CATSPERT: variants seen among roughly 807,000 people sequenced by gnomAD.
CATSPERT encodes the protein cation channel sperm-associated targeting subunit tau.
chr2:201,557,826 T>C, the CATSPERT span: 2 of 152,206 alleles, frequency 1.3e-5, no homozygotes, highest in South Asian at 2.1e-4. Context: ...CAACCACATC[T>C]AGCATTTCTC....
At chr2:201,549,251 C>T in the CATSPERT span, among the ~76,000 whole-genome samples, 1 of 152,064 alleles carries the variant, frequency 6.6e-6, no homozygotes. Flanking sequence ...CCTTACACTT[C>T]TGGTCCACTA....
the CATSPERT span, among the ~76,000 whole-genome samples, chr2:201,584,239 G>A: frequency 6.6e-6 from 1 of 152,074 alleles, no homozygotes. Flanking sequence ...GCAGTGAGCC[G>A]TGATCGCGCC....
At chr2:201,570,289 A>G in the CATSPERT span, among the ~76,000 whole-genome samples, 1 of 152,154 alleles carries the variant, frequency 6.6e-6, no homozygotes, top group Non-Finnish European at 1.5e-5. Context: ...CCATCCCTAT[A>G]CATGTTCTCC....
the CATSPERT span, among the ~76,000 whole-genome samples, chr2:201,501,469 C>T: frequency 7.0e-6 from 1 of 143,778 alleles, no homozygotes; most frequent in Non-Finnish European, 1.5e-5. Context: ...ACTATGTATA[C>T]ATTCCTTAAT....
At chr2:201,531,767 T>A in the CATSPERT span, among the ~76,000 whole-genome samples, 1 of 152,178 alleles carries the variant, frequency 6.6e-6, no homozygotes, top group East Asian at 1.9e-4. Context: ...ATAGTAAGAA[T>A]ACTAATGTGG....
chr2:201,527,974 C>T, the CATSPERT span, among the ~76,000 whole-genome samples: 1 of 151,312 alleles, frequency 6.6e-6, no homozygotes, highest in African/African-American at 2.4e-5. Flanking sequence ...AAACAGACAA[C>T]TTAAAGAATG....
the CATSPERT span, among the ~76,000 whole-genome samples, chr2:201,603,503 A>G: frequency 6.6e-6 from 1 of 152,234 alleles, no homozygotes; most frequent in Non-Finnish European, 1.5e-5. Context: ...TAAAATGAAC[A>G]AGAATACAAA....
At chr2:201,567,229 TTTTCCTCC>T in the CATSPERT span, among the ~76,000 whole-genome samples, 1 of 152,180 alleles carries the variant, frequency 6.6e-6, no homozygotes, top group Non-Finnish European at 1.5e-5. Context: ...TGAACATCTT[TTTTCCTCC>T]TTTCCCCTTC....
At chr2:201,522,021 A>G in the CATSPERT span, among the ~76,000 whole-genome samples, 390 of 152,326 alleles carry the variant, frequency 2.6e-3, 2 homozygotes, top group African/African-American at 8.5e-3. Context: ...ACTTCAGTAT[A>G]CAATAAAGGC....
chr2:201,560,585 G>T, the CATSPERT span, among the ~76,000 whole-genome samples: 1 of 151,996 alleles, frequency 6.6e-6, no homozygotes, highest in South Asian at 2.1e-4. Flanking sequence ...AGATGAAAAA[G>T]AATAGAATAA....
chr2:201,606,582 T>C, the CATSPERT span, among the ~76,000 whole-genome samples: 3 of 151,948 alleles, frequency 2.0e-5, no homozygotes, highest in East Asian at 1.9e-4. Flanking sequence ...AACCAAAAGA[T>C]AGTGGGGAAA....
chr2:201,506,688 G>A, the CATSPERT span, among the ~76,000 whole-genome samples: 2 of 152,038 alleles, frequency 1.3e-5, no homozygotes, highest in Admixed American at 1.3e-4. Flanking sequence ...CGAGTAGCTG[G>A]GACTACAGGT....
At chr2:201,499,429 G>A in the CATSPERT span, among the ~76,000 whole-genome samples, 1 of 152,260 alleles carries the variant, frequency 6.6e-6, no homozygotes, top group Admixed American at 6.5e-5. Flanking sequence ...CTCAGTTGAT[G>A]ATGCATCTAT....
At chr2:201,547,869 G>C in the CATSPERT span, among the ~76,000 whole-genome samples, 1 of 152,066 alleles carries the variant, frequency 6.6e-6, no homozygotes, top group Non-Finnish European at 1.5e-5. Context: ...TGATATTACT[G>C]GTGGTGTATT....
the CATSPERT span, among the ~76,000 whole-genome samples, chr2:201,559,710 T>C: frequency 6.6e-6 from 1 of 152,236 alleles, no homozygotes; most frequent in Admixed American, 6.5e-5. Flanking sequence ...ACTAAACTAC[T>C]GGATCCACCT....
chr2:201,550,709 C>T, the CATSPERT span: 1 of 152,124 alleles, frequency 6.6e-6, no homozygotes, highest in African/African-American at 2.4e-5. Context: ...AAACAACAAA[C>T]TTGATTTCTA....
chr2:201,599,604 T>C, the CATSPERT span, among the ~76,000 whole-genome samples: 2 of 152,312 alleles, frequency 1.3e-5, no homozygotes, highest in East Asian at 3.9e-4. Context: ...GTAGTTAACA[T>C]GTGTCTTGCT....
At chr2:201,562,349 G>A in the CATSPERT span, among the ~76,000 whole-genome samples, 2 of 151,076 alleles carry the variant, frequency 1.3e-5, no homozygotes, top group African/African-American at 2.4e-5. Context: ...CACCACGCCC[G>A]GCTAATTTTT....
the CATSPERT span, chr2:201,534,976 G>A: frequency 2.2e-5 from 8 of 369,148 alleles, no homozygotes; most frequent in Non-Finnish European, 3.0e-5. Flanking sequence ...ATGTACATAT[G>A]CATAAGAAAG....
Sources: gnomAD v4.1 joint callset for allele counts (sites outside exome capture counted in the v4.1 genomes callset) on GRCh38, gnomAD v4.1.1 for gene constraint, MANE v1.5 for transcripts, NCBI Gene and HGNC (gene_info 2026-07-23, HGNC 2026-07-21) for gene names.